SHROOM2: variants seen among roughly 807,000 people sequenced by gnomAD.
SHROOM2 encodes the protein protein Shroom2.
SHROOM2 carries 33 observed loss-of-function variants against 75.9 expected under a neutral mutation model. The observed-to-expected ratio is 0.43, with a 90% CI of 0.33 to 0.58. SHROOM2 has a LOEUF of 0.58. SHROOM2 is among the 20% of genes least tolerant of loss of function. SHROOM2 has a pLI of 0.04. For synonymous variants in SHROOM2, 655 were observed against 663.6 expected (o/e 0.99, Z 0.20); for missense variants, 1,434 against 1,461.2 (o/e 0.98, Z 0.30).
chrX:9,901,456 T>A (rs1455615041), intron 5 of SHROOM2, among the ~76,000 whole-genome samples: 3 of 112,139 alleles, frequency 2.7e-5, no homozygotes, highest in Non-Finnish European at 5.6e-5. Flanking sequence ...CTTGAGCTGA[T>A]CAGGCTTTAC....
intron 1 of SHROOM2, chrX:9,818,260 A>G (rs1375154307): frequency 1.4e-5 from 3 of 214,636 alleles, no homozygotes; most frequent in African/African-American, 9.0e-5. Flanking sequence ...TATCAATGTC[A>G]TCATCCTTGT....
chrX:9,820,917 G>A (rs1326225929), intron 1 of SHROOM2, among the ~76,000 whole-genome samples: 1 of 112,520 alleles, frequency 8.9e-6, no homozygotes, highest in Non-Finnish European at 1.9e-5. Context: ...TAGACAGTAT[G>A]TAAATGAAAG....
At chrX:9,935,827 A>G (rs942244819) in intron 6 of SHROOM2, among the ~76,000 whole-genome samples, 1 of 111,475 alleles carries the variant, frequency 9.0e-6, no homozygotes, top group Non-Finnish European at 1.9e-5. Context: ...TTCATTAGAA[A>G]CACATCCTAA....
chrX:9,868,729 T>C (rs1266032736), intron 1 of SHROOM2, among the ~76,000 whole-genome samples: 31 of 1,339 alleles, frequency 0.023, no homozygotes, highest in African/African-American at 0.034. Flanking sequence ...TTTTTACCCT[T>C]TTTTTTTTTT....
At chrX:9,855,579 AT>A (rs1244972481) in intron 1 of SHROOM2, among the ~76,000 whole-genome samples, 6 of 111,101 alleles carry the variant, frequency 5.4e-5, no homozygotes, top group Non-Finnish European at 1.1e-4. Flanking sequence ...ATTGCATCAG[AT>A]TTTGTCCCTA....
At chrX:9,875,281 C>T (rs1455256168) in intron 2 of SHROOM2, among the ~76,000 whole-genome samples, 1 of 108,532 alleles carries the variant, frequency 9.2e-6, no homozygotes, top group Non-Finnish European at 1.9e-5. Context: ...GGCACCATGA[C>T]ACTGTGTTAT....
Position 9,949,117 on chromosome X carries a change from C to G in SHROOM2, c.*2180C>G. ...CATAGAGCCAGCTGTCCTGTCAGTT[C>G]CCCTGTTTGCCTCTGAAACGTCTGG... On this transcript the variant is annotated 3_prime_UTR_variant, in exon 10 of 10. Coordinates refer to ENST00000380913, the MANE Select transcript of SHROOM2 (RefSeq NM_001649.4). The G allele has an allele frequency of 4.3e-6, 1 of 230,018 alleles. No individual in the cohort carries two copies. The highest frequency in any genetic ancestry group is 8.3e-6 in the Non-Finnish European group (1 of 120,833). 19.0% of individuals were successfully genotyped at this position (230,018 alleles called of 1,213,427 possible).
chrX:9,855,912 G>A (rs368121329), intron 1 of SHROOM2, among the ~76,000 whole-genome samples: 1 of 111,278 alleles, frequency 9.0e-6, no homozygotes, highest in Admixed American at 9.7e-5. Flanking sequence ...CCGCCAAAGC[G>A]CACTAAAAAT....
At chrX:9,913,045 C>G (rs950159676) in intron 5 of SHROOM2, 1 of 112,305 alleles carries the variant, frequency 8.9e-6, no homozygotes, top group Non-Finnish European at 1.9e-5. Context: ...GGACTGCAGC[C>G]CTTGGTATGT....
At chrX:9,800,086 G>A (rs770029670) in intron 1 of SHROOM2, among the ~76,000 whole-genome samples, 23 of 111,466 alleles carry the variant, frequency 2.1e-4, no homozygotes, top group Non-Finnish European at 3.4e-4. Context: ...TAAATACGGG[G>A]TGTGCATTGC....
chrX:9,933,106 G>A (rs965282788), intron 6 of SHROOM2, among the ~76,000 whole-genome samples: 12 of 111,238 alleles, frequency 1.1e-4, no homozygotes, highest in Admixed American at 5.7e-4. Flanking sequence ...ATGTGAATAG[G>A]TGATACATCT....
At chrX:9,858,822 G>A (rs771484465) in intron 1 of SHROOM2, among the ~76,000 whole-genome samples, 1 of 111,496 alleles carries the variant, frequency 9.0e-6, no homozygotes, top group Non-Finnish European at 1.9e-5. Flanking sequence ...AGATAAAAAA[G>A]CTGAGTGAGA....
intron 6 of SHROOM2, 29 bp from the exon 7 acceptor site, chrX:9,937,105 G>A (rs1399691828): frequency 1.1e-5 from 13 of 1,153,782 alleles, no homozygotes; most frequent in Non-Finnish European, 1.4e-5. Context: ...AGCATGCTTT[G>A]CGATTTCAGC....
At position 9,830,727 on chromosome X, in the gene SHROOM2, G is replaced by A. The variant is rs374083184; in HGVS notation, c.166-42925G>A. On this transcript the variant is annotated intron_variant, in intron 1 of 9. Coordinates refer to ENST00000380913, the MANE Select transcript of SHROOM2 (RefSeq NM_001649.4). ...AGCGATTCTCCTGCCTCAGCCTCCC[G>A]AGTAGCTGGGATTACAGGCATGCAC... Among the ~76,000 whole-genome samples, 19 of 104,323 alleles carry A rather than the reference G, an allele frequency of 1.8e-4. No homozygotes were observed. The East Asian group carries it at 5.0e-3, about 27-fold the overall frequency. The allele number at this position is 104,323 out of a possible 115,157, so 90.6% of individuals were successfully genotyped here. A position where few individuals can be genotyped will look rare whatever the true frequency, so the allele number is the denominator to read the frequency against.
intron 6 of SHROOM2, among the ~76,000 whole-genome samples, chrX:9,935,061 C>A (rs765904666): frequency 1.8e-5 from 2 of 111,702 alleles, no homozygotes; most frequent in Non-Finnish European, 3.8e-5. Flanking sequence ...GGGCAAGCCA[C>A]TGGGCCCAGC....
Position 9,894,874 on chromosome X carries a change from C to T in SHROOM2, c.966C>T (p.Arg322=), listed in dbSNP as rs1338595437. The change falls in exon 4 of 10, where the codon CGC becomes CGT. Residue 322 remains arginine (R), a synonymous_variant. Transcript: ENST00000380913. ...CACCTCCTCCCCCTCCCCCTCTCCGCAGTGACAGCTTTGCTGCCACCAAGA... is the reference window on the plus strand; with the variant it reads ...CACCTCCTCCCCCTCCCCCTCTCCGTAGTGACAGCTTTGCTGCCACCAAGA... The part of the protein sequence containing the change: ...SSPPPPPPPL[R]SDSFAATKSH... The T allele has an allele frequency of 4.1e-6, 5 of 1,209,856 alleles. No individual in the cohort carries two copies. Among genetic ancestry groups the T allele is most frequent in the Non-Finnish European group, 5.6e-6 (5 of 894,971 alleles).
intron 1 of SHROOM2, among the ~76,000 whole-genome samples, chrX:9,808,507 G>C (rs769799350): frequency 5.4e-5 from 6 of 110,517 alleles, no homozygotes; most frequent in Admixed American, 9.8e-5. Flanking sequence ...TATCATTACG[G>C]CACTGTACTC....
intron 1 of SHROOM2, among the ~76,000 whole-genome samples, chrX:9,841,019 G>A (rs905054522): frequency 1.8e-4 from 20 of 111,771 alleles, no homozygotes; most frequent in African/African-American, 6.5e-4. Context: ...GCAATGGCGC[G>A]ATCTTGGCTC....
chrX:9,790,181 G>T (rs2083639833), intron 1 of SHROOM2, among the ~76,000 whole-genome samples: 1 of 111,952 alleles, frequency 8.9e-6, no homozygotes, highest in African/African-American at 3.2e-5. Context: ...TGAGACTGGT[G>T]GTTGGTGATG....
Sources: allele counts gnomAD v4.1 joint callset (sites outside exome capture counted in the v4.1 genomes callset), GRCh38; gene constraint gnomAD v4.1.1; transcripts MANE v1.5; gene names NCBI Gene and HGNC (gene_info 2026-07-23, HGNC 2026-07-21).